Variants in PRKCB observed in about 807,000 individuals in gnomAD.
PRKCB encodes protein kinase C beta, also known as protein kinase C beta type.
Under a neutral mutation model 81.5 loss-of-function variants are expected in PRKCB, and 13 were observed. The observed-to-expected ratio is 0.16, with a 90% CI of 0.10 to 0.25. The LOEUF is 0.25. Among genes scored for constraint, PRKCB ranks in the 10% least tolerant of loss-of-function variants. PRKCB has a pLI of 1.00. For missense variants in PRKCB, 509 were observed against 875.7 expected, an observed-to-expected ratio of 0.58 and a Z score of 5.29; for synonymous variants, 335 against 321.4, an observed-to-expected ratio of 1.04 and a Z score of -0.45.
intron 5 of PRKCB, among the ~76,000 whole-genome samples, chr16:24,077,989 T>C (rs921198344): frequency 2.0e-5 from 3 of 152,224 alleles, no homozygotes; most frequent in Non-Finnish European, 4.4e-5. Flanking sequence ...GGGAAGGCTT[T>C]TGTCCCAAGC....
At chr16:24,112,371 A>G (rs1966685801) in intron 7 of PRKCB, among the ~76,000 whole-genome samples, 1 of 152,094 alleles carries the variant, frequency 6.6e-6, no homozygotes, top group Non-Finnish European at 1.5e-5. Flanking sequence ...TCTACAAAAA[A>G]ATTTTTTTTT....
At chr16:23,916,746 A>C (rs1963747095) in intron 2 of PRKCB, among the ~76,000 whole-genome samples, 1 of 152,080 alleles carries the variant, frequency 6.6e-6, no homozygotes, top group Admixed American at 6.6e-5. Flanking sequence ...GTTCCATGTC[A>C]GTGCATATAG....
intron 3 of PRKCB, among the ~76,000 whole-genome samples, chr16:24,012,549 C>G (rs901025956): frequency 6.6e-6 from 1 of 152,244 alleles, no homozygotes; most frequent in Non-Finnish European, 1.5e-5. Context: ...TTCTAAAAAC[C>G]AAATGTGATC....
intron 8 of PRKCB, among the ~76,000 whole-genome samples, chr16:24,120,003 T>G (rs2283541): frequency 0.32 from 48,836 of 151,998 alleles, 8,727 homozygotes; most frequent in East Asian, 0.71. Context: ...CAACAATGAG[T>G]GCCATTCAGC....
rs766610202 is a variant in PRKCB at position 24,094,274 on chromosome 16, T to C, written c.798T>C (p.Leu266=). The change falls in exon 7 of 17, where the codon CTT becomes CTC. Residue 266 remains leucine, a synonymous_variant. Transcript: ENST00000643927. ...MGSLSFGISE[L]QKASVDGWFK... ...CTTTGTCCTTTGGGATTTCTGAACT[T>C]CAGAAAGCCAGTGTTGATGGCTGGT... 5.0e-6 allele frequency: 8 copies of C among 1,614,046 alleles called. No homozygotes were observed. The South Asian group carries it at 8.8e-5, about 18-fold the overall frequency.
At chr16:24,020,040 A>G (rs1030465014) in intron 3 of PRKCB, among the ~76,000 whole-genome samples, 1 of 152,228 alleles carries the variant, frequency 6.6e-6, no homozygotes, top group African/African-American at 2.4e-5. Context: ...GTAATTTTAC[A>G]AAAGCATTTG....
chr16:24,112,193 GGCACCCTAT>G (rs1966683641), intron 7 of PRKCB, among the ~76,000 whole-genome samples: 1 of 152,188 alleles, frequency 6.6e-6, no homozygotes, highest in Non-Finnish European at 1.5e-5. Context: ...ATGGCAAAGT[GGCACCCTAT>G]GCACCCTATG....
chr16:24,134,880 C>T (rs1175687053), intron 9 of PRKCB, among the ~76,000 whole-genome samples: 1 of 152,056 alleles, frequency 6.6e-6, no homozygotes, highest in East Asian at 1.9e-4. Flanking sequence ...CATTGCACTC[C>T]AGCCTGGACA....
intron 3 of PRKCB, among the ~76,000 whole-genome samples, chr16:23,991,070 C>T (rs2141823690): frequency 6.6e-6 from 1 of 152,324 alleles, no homozygotes; most frequent in South Asian, 2.1e-4. Context: ...GACTTGACAG[C>T]TGACAGCTTG....
chr16:23,847,466 AT>A (rs779013537), intron 2 of PRKCB, among the ~76,000 whole-genome samples: 25,655 of 149,062 alleles, frequency 0.17, 2,649 homozygotes, highest in South Asian at 0.3. Flanking sequence ...CCATCCATCC[AT>A]CCATCCATCC....
intron 2 of PRKCB, among the ~76,000 whole-genome samples, chr16:23,917,135 C>T (rs1051446642): frequency 5.9e-5 from 9 of 151,772 alleles, no homozygotes; most frequent in South Asian, 2.1e-4. Context: ...TTGCCCAGAC[C>T]GGAGTGCAGT....
At chr16:23,848,145 G>A (rs1458364278) in intron 2 of PRKCB, among the ~76,000 whole-genome samples, 1 of 152,144 alleles carries the variant, frequency 6.6e-6, no homozygotes, top group Non-Finnish European at 1.5e-5. Context: ...GCAGGTGGGA[G>A]GTGAACGTCA....
Position 24,219,626 on chromosome 16 carries a change from A to T in PRKCB, c.*4810A>T. The T allele has an allele frequency of 9.5e-7, 1 of 1,056,368 alleles. No individual in the cohort carries two copies. Among genetic ancestry groups the T allele is most frequent in the Non-Finnish European group, 1.1e-6 (1 of 876,340 alleles). The allele number at this position is 1,056,368 out of a possible 1,614,324, so 65.4% of individuals were successfully genotyped here. A position where few individuals can be genotyped will look rare whatever the true frequency, so the allele number is the denominator to read the frequency against. On this transcript the variant is annotated 3_prime_UTR_variant, in exon 17 of 17. Coordinates refer to ENST00000643927, the MANE Select transcript of PRKCB (RefSeq NM_002738.7). ...ATGGTAATAAGTAGCTTCCAATTCAATTCATCCTAAAGCCAAAGAAAATAC... is the reference window on the plus strand; with the variant it reads ...ATGGTAATAAGTAGCTTCCAATTCATTTCATCCTAAAGCCAAAGAAAATAC...
At chr16:24,081,226 A>G (rs1966245370) in intron 5 of PRKCB, among the ~76,000 whole-genome samples, 1 of 152,142 alleles carries the variant, frequency 6.6e-6, no homozygotes, top group South Asian at 2.1e-4. Flanking sequence ...ACTCCGTCCA[A>G]ATGAGTTTTA....
At chr16:23,945,905 A>G (rs1229892086) in intron 2 of PRKCB, among the ~76,000 whole-genome samples, 5 of 152,154 alleles carry the variant, frequency 3.3e-5, no homozygotes, top group Admixed American at 6.5e-5. Context: ...CCATTGGCTC[A>G]CAAGCTGGCC....
At chr16:24,212,450 G>T (rs1291512555) in intron 16 of PRKCB, among the ~76,000 whole-genome samples, 17 of 104,340 alleles carry the variant, frequency 1.6e-4, no homozygotes, top group South Asian at 3.0e-4. Flanking sequence ...CTCCTCCTGT[G>T]CTTTTTTTTC....
Position 23,885,040 on chromosome 16 carries a change from C to T in PRKCB, c.205+47634C>T, listed in dbSNP as rs1251573598. 3.3e-5 allele frequency among the ~76,000 whole-genome samples: 5 copies of T among 151,806 alleles called. No homozygotes were observed. The East Asian group carries it at 9.7e-4, about 29-fold the overall frequency. On this transcript the variant is annotated intron_variant, in intron 2 of 16. Coordinates refer to ENST00000643927, the MANE Select transcript of PRKCB (RefSeq NM_002738.7). ...CAGCAAACTCAAGATAATAGTAATG[C>T]CTACTTTTAAGTAGTTATTGTGAAG... is the stretch of plus-strand genomic sequence containing the variant.
intron 2 of PRKCB, among the ~76,000 whole-genome samples, chr16:23,891,372 T>G (rs1963291975): frequency 6.6e-6 from 1 of 152,170 alleles, no homozygotes. Flanking sequence ...CTTATGTTTT[T>G]ACAATGTGCT....
chr16:24,007,824 G>A (rs1018171990), intron 3 of PRKCB, among the ~76,000 whole-genome samples: 15 of 152,202 alleles, frequency 9.9e-5, no homozygotes, highest in Non-Finnish European at 1.5e-4. Context: ...TCAAAAGGCA[G>A]ATGGCCTTGG....
Sources: gnomAD v4.1 joint callset for allele counts (sites outside exome capture counted in the v4.1 genomes callset) on GRCh38, gnomAD v4.1.1 for gene constraint, MANE v1.5 for transcripts, NCBI Gene and HGNC (gene_info 2026-07-23, HGNC 2026-07-21) for gene names.